The following DYRK4 variants were observed in gnomAD, a reference collection of about 807,000 sequenced individuals.
DYRK4 encodes dual specificity tyrosine phosphorylation regulated kinase 4.
A neutral mutation model predicts 68.3 loss-of-function variants in DYRK4; 64 were observed. The ratio of observed to expected loss-of-function variants is 0.94; its 90% CI spans 0.77 to 1.15. DYRK4 has a LOEUF of 1.15. Ranked by LOEUF, DYRK4 falls within the 50% of genes most tolerant of loss-of-function variation. The probability of loss-of-function intolerance (pLI) is 0.00; values close to 1 mark genes in which losing one functional copy is unlikely to be tolerated. For missense variants in DYRK4, 740 were observed against 764.7 expected, an observed-to-expected ratio of 0.97 and a Z score of 0.38; for synonymous variants, 274 against 289.9, an observed-to-expected ratio of 0.95 and a Z score of 0.56.
intron 2 of DYRK4, chr12:4,580,765 C>T (rs1288686023): frequency 2.2e-6 from 1 of 451,368 alleles, no homozygotes; most frequent in Non-Finnish European, 4.4e-6. Context: ...AGCTGAGCTT[C>T]ATTTGCCCAT....
chr12:4,578,240 A>G (rs192648767), intron 2 of DYRK4, among the ~76,000 whole-genome samples: 18 of 152,274 alleles, frequency 1.2e-4, no homozygotes, highest in Admixed American at 1.1e-3. Flanking sequence ...CTGAAACTCA[A>G]ATTAAATGTA....
intron 2 of DYRK4, chr12:4,580,845 C>T (rs991791403): frequency 1.1e-5 from 5 of 455,448 alleles, no homozygotes; most frequent in African/African-American, 2.0e-5. Context: ...GAGGAGTCAG[C>T]TGAGAAAACA....
At chr12:4,588,516 A>G (rs1944920262) in intron 2 of DYRK4, among the ~76,000 whole-genome samples, 1 of 152,142 alleles carries the variant, frequency 6.6e-6, no homozygotes, top group South Asian at 2.1e-4. Flanking sequence ...CCTGTGTTCC[A>G]CTGGGTGGGT....
intron 6 of DYRK4, among the ~76,000 whole-genome samples, chr12:4,593,856 A>G (rs1229688394): frequency 3.3e-5 from 5 of 152,262 alleles, no homozygotes; most frequent in African/African-American, 9.6e-5. Context: ...TTTAAGATAC[A>G]GGATGAGTCT....
At chr12:4,585,707 A>G (rs898871999) in intron 2 of DYRK4, among the ~76,000 whole-genome samples, 2 of 152,338 alleles carry the variant, frequency 1.3e-5, no homozygotes, top group East Asian at 3.9e-4. Context: ...CAGCACACCA[A>G]CATGGCAAAT....
chr12:4,588,203 G>T (rs1944916736), intron 2 of DYRK4, among the ~76,000 whole-genome samples: 1 of 151,868 alleles, frequency 6.6e-6, no homozygotes, highest in Admixed American at 6.6e-5. Context: ...GGGATTACAG[G>T]TGTGAGACAC....
intron 13 of DYRK4, among the ~76,000 whole-genome samples, chr12:4,611,382 C>T (rs1260056713): frequency 6.6e-6 from 1 of 152,212 alleles, no homozygotes; most frequent in Non-Finnish European, 1.5e-5. Flanking sequence ...ATCCAGAACA[C>T]AGCTCAGCAC....
At chr12:4,611,109 A>G (rs908016667) in intron 13 of DYRK4, among the ~76,000 whole-genome samples, 1 of 152,192 alleles carries the variant, frequency 6.6e-6, no homozygotes, top group Non-Finnish European at 1.5e-5. Flanking sequence ...AGACCATATC[A>G]TTACAGTCTC....
chr12:4,577,326 C>T (rs998362522), intron 2 of DYRK4, among the ~76,000 whole-genome samples: 10 of 152,188 alleles, frequency 6.6e-5, no homozygotes, highest in Non-Finnish European at 1.2e-4. Context: ...GCCTCAGCCT[C>T]CTTGAGTAAT....
At chr12:4,568,078 G>A in intron 2 of DYRK4, 30 bp downstream of exon 2, 5 of 1,529,144 alleles carry the variant, frequency 3.3e-6, no homozygotes, top group Non-Finnish European at 4.4e-6. Context: ...CACTGGGGAA[G>A]AGAGGTATCA....
intron 8 of DYRK4, among the ~76,000 whole-genome samples, chr12:4,597,833 A>G (rs1945035658): frequency 6.6e-6 from 1 of 152,192 alleles, no homozygotes; most frequent in Admixed American, 6.5e-5. Flanking sequence ...TGAGGTCAGG[A>G]GTACCAGACC....
Position 4,590,443 on chromosome 12 carries a change from G to A in DYRK4, c.324+3G>A. ...TGAAGTCATCCCTGCTGTATCAGGT[G>A]AGTGCAGACGGACTGGACCCTGAGA... On this transcript the variant is annotated splice_donor_region_variant and intron_variant, in intron 4 of 14. Coordinates refer to ENST00000543431, the MANE Select transcript of DYRK4 (RefSeq NM_001394779.1). 3.9e-6 allele frequency: 6 copies of A among 1,535,052 alleles called. No homozygotes were observed. Among genetic ancestry groups the A allele is most frequent in the Non-Finnish European group, 5.2e-6 (6 of 1,146,550 alleles).
At chr12:4,610,023 T>G in intron 12 of DYRK4, 132 bp from the exon 13 acceptor site, 3 of 584,766 alleles carry the variant, frequency 5.1e-6, no homozygotes, top group Non-Finnish European at 8.5e-6. Flanking sequence ...TGTGTGTTTA[T>G]TGGGGTGTGG....
At position 4,574,349 on chromosome 12, in the gene DYRK4, C is replaced by T. The variant is rs564193494; in HGVS notation, c.132+6301C>T. 1.4e-4 allele frequency among the ~76,000 whole-genome samples: 21 copies of T among 152,074 alleles called. No homozygotes were observed. In the East Asian group the frequency reaches 3.7e-3, roughly 27 times the overall value. On this transcript the variant is annotated intron_variant, in intron 2 of 14. Coordinates refer to ENST00000543431, the MANE Select transcript of DYRK4 (RefSeq NM_001394779.1). ...CTCTTGAGTTTTACATCTATTATTC[C>T]ACTAATTTTCTTTATCTGTTTCTAA...
At chr12:4,584,856 C>T (rs916276414) in intron 2 of DYRK4, among the ~76,000 whole-genome samples, 1 of 152,202 alleles carries the variant, frequency 6.6e-6, no homozygotes, top group East Asian at 1.9e-4. Flanking sequence ...CGCCTGGCCT[C>T]TAATCAGCTT....
At chr12:4,588,363 G>A (rs564561550) in intron 2 of DYRK4, among the ~76,000 whole-genome samples, 11 of 152,264 alleles carry the variant, frequency 7.2e-5, no homozygotes, top group East Asian at 3.9e-4. Context: ...CTTTATCTGC[G>A]TACTGTACAC....
Position 4,607,461 on chromosome 12 carries a change from CT to C in DYRK4, c.1360+78del, listed in dbSNP as rs1478671266. ...GCCATACCTTAAGGCTCATTTCATT[CT>C]TTTCCCCTGGCCACATACCAAAGGG... On this transcript the variant is annotated intron_variant, in intron 12 of 14. Coordinates refer to ENST00000543431, the MANE Select transcript of DYRK4 (RefSeq NM_001394779.1). The C allele has an allele frequency of 2.0e-5, 30 of 1,530,618 alleles. No homozygotes were observed. The African/African-American group carries it at 4.0e-4, about 20-fold the overall frequency. 94.8% of individuals were successfully genotyped at this position (1,530,618 alleles called of 1,614,324 possible).
At position 4,596,286 on chromosome 12, in the gene DYRK4, G is replaced by A. The variant is rs769270772; in HGVS notation, c.764+1G>A. On this transcript the variant is annotated splice_donor_variant, in intron 7 of 14. Coordinates refer to ENST00000543431, the MANE Select transcript of DYRK4 (RefSeq NM_001394779.1). LOFTEE classifies it high-confidence loss of function. ...TGAAAATCATCAGGAACAAGAAGAG[G>A]TGTGGCTTGGGGATGACATAGGCCA... is the stretch of plus-strand genomic sequence containing the variant. 2 of 1,614,170 alleles carry A rather than the reference G, an allele frequency of 1.2e-6. No homozygotes were observed. The highest frequency in any genetic ancestry group is 1.1e-5 in the South Asian group (1 of 91,072).
intron 5 of DYRK4, among the ~76,000 whole-genome samples, chr12:4,592,290 T>C (rs1007557676): frequency 2.0e-5 from 3 of 152,132 alleles, no homozygotes; most frequent in Admixed American, 1.3e-4. Flanking sequence ...AAAACAGAAG[T>C]CTTGTTCCCT....
Sources: gnomAD v4.1 joint callset for allele counts (sites outside exome capture counted in the v4.1 genomes callset) on GRCh38, gnomAD v4.1.1 for gene constraint, MANE v1.5 for transcripts, NCBI Gene and HGNC (gene_info 2026-07-23, HGNC 2026-07-21) for gene names.